Variants in UGT2A2 observed in about 807,000 individuals in gnomAD.
UGT2A2 encodes UDP-glucuronosyltransferase 2A2.
In UGT2A2, 60 loss-of-function variants were observed where a neutral mutation model predicts 50.7. The ratio of observed to expected loss-of-function variants is 1.18; its 90% CI spans 0.96 to 1.47. The LOEUF is 1.47. Ranked by LOEUF, UGT2A2 falls within the 40% of genes most tolerant of loss-of-function variation. The probability of loss-of-function intolerance (pLI) is 0.00; values close to 1 mark genes in which losing one functional copy is unlikely to be tolerated. For missense variants in UGT2A2, 762 were observed against 634.0 expected, an observed-to-expected ratio of 1.20 and a Z score of -2.17; for synonymous variants, 242 against 214.6, an observed-to-expected ratio of 1.13 and a Z score of -1.11.
chr4:69,619,231 T>C (rs564361085), intron 1 of UGT2A2, among the ~76,000 whole-genome samples: 56 of 151,712 alleles, frequency 3.7e-4, no homozygotes, highest in Non-Finnish European at 5.6e-4. Flanking sequence ...GACATATCTC[T>C]ATAAAAATAA....
chr4:69,588,917 C>T lies in UGT2A2; in HGVS notation c.*455G>A, dbSNP rs897621992. On this transcript the variant is annotated 3_prime_UTR_variant, in exon 6 of 6. Coordinates refer to ENST00000604629, the MANE Select transcript of UGT2A2 (RefSeq NM_001105677.2). ...TCATTACCTTTCTCATAACACACTA[C>T]TCTCCTACGGTGGCTCCCTGATTTG... 1.3e-5 allele frequency: 2 copies of T among 152,938 alleles called. No homozygotes were observed. The highest frequency in any genetic ancestry group is 2.4e-5 in the African/African-American group (1 of 41,414). The allele number at this position is 152,938 out of a possible 1,614,324, so 9.5% of individuals were successfully genotyped here.
In UGT2A2 at chr4:69,596,291, C is replaced by T. The variant is rs1718926257; in HGVS notation, c.982G>A (p.Ala328Thr). The T allele has an allele frequency of 6.2e-7, 1 of 1,607,276 alleles. No individual in the cohort carries two copies. The highest frequency in any genetic ancestry group is 1.1e-5 in the South Asian group (1 of 90,296). Residue 328 changes from alanine (A) to threonine (T), a missense_variant, in exon 3 of 6, where the codon GCC (alanine) becomes ACC (threonine). Transcript: ENST00000604629. ...SMVKNLTEEK[A>T]NLIASALAQI... Reference sequence around the variant, plus strand: ...GCAAGGGCTGAGGCAATAAGATTGGCCTTTTCTTCTGTAAGGTTTTTGACC... The same window carrying T: ...GCAAGGGCTGAGGCAATAAGATTGGTCTTTTCTTCTGTAAGGTTTTTGACC...
At chr4:69,616,387 T>A (rs1321321751) in intron 1 of UGT2A2, among the ~76,000 whole-genome samples, 1 of 151,980 alleles carries the variant, frequency 6.6e-6, no homozygotes, top group Non-Finnish European at 1.5e-5. Flanking sequence ...AATTGGAATT[T>A]TCCTAACATA....
chr4:69,633,844 T>A (rs1721520499), intron 1 of UGT2A2, among the ~76,000 whole-genome samples: 1 of 152,164 alleles, frequency 6.6e-6, no homozygotes, highest in Non-Finnish European at 1.5e-5. Flanking sequence ...ATTGCATTCA[T>A]GTTTTGTTTA....
chr4:69,622,823 C>G (rs113610700), intron 1 of UGT2A2, among the ~76,000 whole-genome samples: 4,403 of 151,786 alleles, frequency 0.029, 212 homozygotes, highest in African/African-American at 0.099. Context: ...ATTCATCCAG[C>G]GGTCCACATC....
chr4:69,602,911 C>CA (rs1334278482), intron 1 of UGT2A2, among the ~76,000 whole-genome samples: 1 of 133,672 alleles, frequency 7.5e-6, no homozygotes, highest in Non-Finnish European at 1.6e-5. Flanking sequence ...ACTAAAAATA[C>CA]AAAAAAATTA....
intron 1 of UGT2A2, among the ~76,000 whole-genome samples, chr4:69,608,047 T>C (rs1010275994): frequency 5.3e-5 from 8 of 152,186 alleles, no homozygotes; most frequent in African/African-American, 1.7e-4. Flanking sequence ...AAATACCATT[T>C]GATCCAGCCA....
At chr4:69,624,696 A>G (rs2109942750) in intron 1 of UGT2A2, among the ~76,000 whole-genome samples, 1 of 151,502 alleles carries the variant, frequency 6.6e-6, no homozygotes, top group African/African-American at 2.4e-5. Flanking sequence ...ACTTTACGAC[A>G]GTATACTTCC....
intron 5 of UGT2A2, among the ~76,000 whole-genome samples, chr4:69,590,151 T>A (rs1157351511): frequency 6.6e-6 from 1 of 152,210 alleles, no homozygotes; most frequent in African/African-American, 2.4e-5. Context: ...GTGGCACACA[T>A]CTGTATGTTT....
chr4:69,594,532 T>C lies in UGT2A2; in HGVS notation c.1276A>G (p.Thr426Ala), dbSNP rs779707481. The change falls in exon 5 of 6, where the codon ACA (threonine) becomes GCA (alanine). Residue 426 changes from threonine to alanine, a missense_variant. Physicochemically the swap from Thr to Ala is moderately conservative, Grantham distance 58. Coordinates refer to ENST00000604629, the MANE Select transcript of UGT2A2 (RefSeq NM_001105677.2). ...CTAAGCAAATCCACACTTGTCATTG[T>C]GTTTAGGTTCACTTCCACAGCTGCT... ...KGAAVEVNLN[T>A]MTSVDLLSAL... 3 of 1,614,180 alleles carry C rather than the reference T, an allele frequency of 1.9e-6. No individual in the cohort carries two copies. Among genetic ancestry groups the C allele is most frequent in the East Asian group, 4.5e-5 (2 of 44,880 alleles).
At chr4:69,636,041 G>GT (rs2109964001) in intron 1 of UGT2A2, among the ~76,000 whole-genome samples, 1 of 152,138 alleles carries the variant, frequency 6.6e-6, no homozygotes, top group Admixed American at 6.6e-5. Flanking sequence ...CATTTCATCT[G>GT]TAAGATTTAA....
chr4:69,604,483 C>A lies in UGT2A2; in HGVS notation c.743-5089G>T, dbSNP rs1192866555. ...GCAAAAACATGCCACATTGTACAGA[C>A]CATCGAGGCTAGGAAGAAACTGCAT... On this transcript the variant is annotated intron_variant, in intron 1 of 5. Transcript: ENST00000604629. Among the ~76,000 whole-genome samples, 3 of 136,656 alleles carry A rather than the reference C, an allele frequency of 2.2e-5. 1 individual carries two copies. The South Asian group carries it at 7.3e-4, about 33-fold the overall frequency. 89.7% of individuals were successfully genotyped at this position (136,656 alleles called of 152,430 possible).
intron 1 of UGT2A2, 113 bp downstream of exon 1, chr4:69,638,786 A>T (rs928670768): frequency 1.5e-6 from 2 of 1,302,226 alleles, no homozygotes; most frequent in African/African-American, 3.0e-5. Context: ...GAGATATAAG[A>T]AGTCCATTAT....
At chr4:69,620,101 C>A (rs1173718567) in intron 1 of UGT2A2, among the ~76,000 whole-genome samples, 1 of 151,980 alleles carries the variant, frequency 6.6e-6, no homozygotes, top group South Asian at 2.1e-4. Context: ...TCTCACTACT[C>A]CTATTCAACA....
intron 1 of UGT2A2, among the ~76,000 whole-genome samples, chr4:69,614,838 TAAAGA>T (rs1720281185): frequency 6.6e-6 from 1 of 151,974 alleles, no homozygotes; most frequent in Admixed American, 6.6e-5. Flanking sequence ...CTGTAGTTTA[TAAAGA>T]AAAGAGGTTT....
chr4:69,590,005 A>G (rs1718496855), intron 5 of UGT2A2, among the ~76,000 whole-genome samples: 1 of 152,240 alleles, frequency 6.6e-6, no homozygotes, highest in African/African-American at 2.4e-5. Context: ...ATACTGTGGG[A>G]TAAAAATCAT....
chr4:69,634,550 T>C (rs181060057), intron 1 of UGT2A2, among the ~76,000 whole-genome samples: 7 of 151,910 alleles, frequency 4.6e-5, no homozygotes, highest in African/African-American at 1.7e-4. Flanking sequence ...GGGGGAAGGT[T>C]AAGAGGCTGT....
intron 1 of UGT2A2, among the ~76,000 whole-genome samples, chr4:69,633,536 A>C (rs1013206732): frequency 1.3e-5 from 2 of 152,202 alleles, no homozygotes; most frequent in Non-Finnish European, 2.9e-5. Context: ...GCAAAACCAA[A>C]ATAGCCTAAA....
rs376073652 is a variant in UGT2A2, at chr4:69,589,463, C to T, written c.1520G>A (p.Cys507Tyr). ...SLDVIGFLLVCVTTAIFLVIQ... is the reference protein window; with the variant it reads ...SLDVIGFLLVYVTTAIFLVIQ... ...GACCAAAAATATAGCCGTTGTCACA[C>T]AGACCAGCAAGAACCCAATTACATC... Residue 507 changes from cysteine to tyrosine, a missense_variant, in exon 6 of 6, where the codon TGT (cysteine) becomes TAT (tyrosine). Physicochemically the swap from Cys to Tyr is radical, Grantham distance 194 (BLOSUM62 -2). Transcript: ENST00000604629. 9.3e-6 allele frequency: 15 copies of T among 1,613,924 alleles called. No individual in the cohort carries two copies. In the African/African-American group the frequency reaches 1.9e-4, roughly 20 times the overall value.
Sources: gnomAD v4.1 joint callset for allele counts (sites outside exome capture counted in the v4.1 genomes callset) on GRCh38, gnomAD v4.1.1 for gene constraint, MANE v1.5 for transcripts, NCBI Gene and HGNC (gene_info 2026-07-23, HGNC 2026-07-21) for gene names.